GPC5: variants seen among roughly 807,000 people sequenced by gnomAD.
GPC5 encodes the protein glypican 5, also known as glypican-5.
Under a neutral mutation model 53.9 loss-of-function variants are expected in GPC5, and 47 were observed. The ratio of observed to expected loss-of-function variants is 0.87; its 90% CI spans 0.69 to 1.11. GPC5 has a LOEUF of 1.11. Ranked by LOEUF, GPC5 falls within the 50% of genes most tolerant of loss-of-function variation. The pLI, the probability that GPC5 is intolerant of heterozygous loss-of-function variation, is 0.00. For missense variants in GPC5, 748 were observed against 713.1 expected, an observed-to-expected ratio of 1.05 and a Z score of -0.56; for synonymous variants, 286 against 263.3, an observed-to-expected ratio of 1.09 and a Z score of -0.84.
chr13:92,624,642 AC>A (rs1884987887), intron 7 of GPC5, among the ~76,000 whole-genome samples: 1 of 152,146 alleles, frequency 6.6e-6, no homozygotes, highest in South Asian at 2.1e-4. Flanking sequence ...GCCCCACTTT[AC>A]CCAATTCAGT....
chr13:91,706,765 A>G (rs1594457372), intron 3 of GPC5, among the ~76,000 whole-genome samples: 1 of 152,268 alleles, frequency 6.6e-6, no homozygotes, highest in Middle Eastern at 3.4e-3. Context: ...GTTGAAGAAG[A>G]TGTTCCTACA....
intron 7 of GPC5, among the ~76,000 whole-genome samples, chr13:92,749,765 T>A (rs979311779): frequency 3.9e-5 from 6 of 152,164 alleles, no homozygotes; most frequent in Non-Finnish European, 8.8e-5. Flanking sequence ...GAAAGACATC[T>A]ACAGTTCATA....
chr13:92,309,667 T>C (rs1198968327), intron 7 of GPC5, among the ~76,000 whole-genome samples: 1 of 152,140 alleles, frequency 6.6e-6, no homozygotes, highest in Non-Finnish European at 1.5e-5. Context: ...AATTTGTGCA[T>C]ACATTGTAAA....
intron 5 of GPC5, among the ~76,000 whole-genome samples, chr13:91,769,809 G>A (rs1191765888): frequency 6.6e-6 from 1 of 152,130 alleles, no homozygotes; most frequent in Non-Finnish European, 1.5e-5. Context: ...ACTCAACACA[G>A]AACAATTCTG....
At chr13:91,718,679 A>T (rs1226133642) in intron 3 of GPC5, among the ~76,000 whole-genome samples, 2 of 152,210 alleles carry the variant, frequency 1.3e-5, no homozygotes, top group East Asian at 1.9e-4. Flanking sequence ...TTAATAGCAC[A>T]GTTTGGAATT....
rs1182298818 is a variant in GPC5 at position 92,477,147 on chromosome 13, C to A, written c.1561+332158C>A. ...AGTAATGAGCAAATCCTATTGTGTG[C>A]CCCAGTATTTAGGCACACCTATGCA... On this transcript the variant is annotated intron_variant, in intron 7 of 7. Coordinates refer to ENST00000377067, the MANE Select transcript of GPC5 (RefSeq NM_004466.6). Among the ~76,000 whole-genome samples, 3 of 151,980 alleles carry A rather than the reference C, an allele frequency of 2.0e-5. No individual in the cohort carries two copies. The South Asian group carries it at 6.2e-4, about 32-fold the overall frequency.
chr13:92,540,235 A>G (rs915775851), intron 7 of GPC5, among the ~76,000 whole-genome samples: 1 of 151,990 alleles, frequency 6.6e-6, no homozygotes, highest in African/African-American at 2.4e-5. Context: ...TGAAGAAAAC[A>G]TTTTTAGACA....
chr13:92,727,186 G>T (rs1373507276), intron 7 of GPC5, among the ~76,000 whole-genome samples: 1 of 151,444 alleles, frequency 6.6e-6, no homozygotes, highest in African/African-American at 2.4e-5. Flanking sequence ...GTAGCTCGGG[G>T]TGCTATATCC....
rs556286734 is a variant in GPC5 at position 91,904,572 on chromosome 13, C to G, written c.1281-3365C>G. Among the ~76,000 whole-genome samples, 380 of 152,050 alleles carry G rather than the reference C, an allele frequency of 2.5e-3. 3 individuals carry two copies. The highest frequency in any genetic ancestry group is 8.9e-3 in the African/African-American group (368 of 41,492). On this transcript the variant is annotated intron_variant, in intron 5 of 7. Coordinates refer to ENST00000377067, the MANE Select transcript of GPC5 (RefSeq NM_004466.6). ...GGCCTTATTTGAGTAACTCAAGTTACTTAACCTTTCCAGATCCCAGATTCT... is the reference window on the plus strand; with the variant it reads ...GGCCTTATTTGAGTAACTCAAGTTAGTTAACCTTTCCAGATCCCAGATTCT...
intron 7 of GPC5, among the ~76,000 whole-genome samples, chr13:92,541,980 C>T (rs988602454): frequency 6.6e-6 from 1 of 151,760 alleles, no homozygotes; most frequent in Non-Finnish European, 1.5e-5. Context: ...TGATTTATTT[C>T]TCTGTTCTTG....
chr13:92,630,893 T>C (rs1050801824), intron 7 of GPC5, among the ~76,000 whole-genome samples: 4 of 152,134 alleles, frequency 2.6e-5, no homozygotes, highest in Non-Finnish European at 5.9e-5. Flanking sequence ...CTAATTTCTC[T>C]TTATGACACA....
At chr13:92,259,892 G>T (rs1343525706) in intron 7 of GPC5, among the ~76,000 whole-genome samples, 2 of 152,110 alleles carry the variant, frequency 1.3e-5, no homozygotes, top group African/African-American at 4.8e-5. Context: ...TGGCCCATTT[G>T]GGAAGAGTCC....
chr13:92,638,626 T>C (rs1486864606), intron 7 of GPC5, among the ~76,000 whole-genome samples: 1 of 152,216 alleles, frequency 6.6e-6, no homozygotes, highest in African/African-American at 2.4e-5. Context: ...CTTTGTTGTT[T>C]CCTTATATAT....
chr13:91,980,072 A>T (rs1204881847), intron 6 of GPC5, among the ~76,000 whole-genome samples: 2 of 152,230 alleles, frequency 1.3e-5, no homozygotes, highest in Non-Finnish European at 2.9e-5. Flanking sequence ...CATATTTATT[A>T]AAGAGCAAAG....
chr13:92,206,652 T>C lies in GPC5; in HGVS notation c.1561+61663T>C, dbSNP rs1381514018. Among the ~76,000 whole-genome samples, 3 of 152,206 alleles carry C rather than the reference T, an allele frequency of 2.0e-5. No homozygotes were observed. In the East Asian group the frequency reaches 5.8e-4, roughly 29 times the overall value. On this transcript the variant is annotated intron_variant, in intron 7 of 7. Transcript: ENST00000377067. ...TAATATTATATCCTGAAGATGCTTTTACTTAATTTCCTTATACATTTGACC... is the reference window on the plus strand; with the variant it reads ...TAATATTATATCCTGAAGATGCTTTCACTTAATTTCCTTATACATTTGACC...
At chr13:91,648,907 T>C (rs993522114) in intron 2 of GPC5, among the ~76,000 whole-genome samples, 1 of 152,120 alleles carries the variant, frequency 6.6e-6, no homozygotes, top group Admixed American at 6.6e-5. Flanking sequence ...GAATATGGGA[T>C]GGCTGTGTCC....
chr13:92,161,995 A>ATATATG (rs1566463128), intron 7 of GPC5, among the ~76,000 whole-genome samples: 1 of 124,908 alleles, frequency 8.0e-6, no homozygotes, highest in Non-Finnish European at 1.7e-5. Context: ...ATATATATAT[A>ATATATG]TGAAACTAAA....
At chr13:92,586,299 G>A (rs1323838930) in intron 7 of GPC5, among the ~76,000 whole-genome samples, 2 of 152,180 alleles carry the variant, frequency 1.3e-5, no homozygotes, top group Non-Finnish European at 2.9e-5. Flanking sequence ...TCATGCATAA[G>A]GCATAGCATG....
chr13:92,064,764 A>AAAAACAAAAAAAAAAAAAAAC (rs2041154621), intron 6 of GPC5, among the ~76,000 whole-genome samples: 1 of 138,366 alleles, frequency 7.2e-6, no homozygotes, highest in South Asian at 2.3e-4. Context: ...CTCAAAAAAA[A>AAAAACAAAAAAAAAAAAAAAC]AAAACAAAAC....
Sources: gnomAD v4.1 joint callset for allele counts (sites outside exome capture counted in the v4.1 genomes callset) on GRCh38, gnomAD v4.1.1 for gene constraint, MANE v1.5 for transcripts, NCBI Gene and HGNC (gene_info 2026-07-23, HGNC 2026-07-21) for gene names.